CMPK1: variants seen among roughly 807,000 people sequenced by gnomAD.
CMPK1 encodes the protein UMP-CMP kinase.
Under a neutral mutation model 25.7 loss-of-function variants are expected in CMPK1, and 10 were observed. That is an observed-to-expected ratio of 0.39 (90% CI 0.24 to 0.66). The LOEUF (loss-of-function observed/expected upper bound fraction) is 0.66. Among genes scored for constraint, CMPK1 ranks in the 30% least tolerant of loss-of-function variants. The pLI, the probability that CMPK1 is intolerant of heterozygous loss-of-function variation, is 0.48. For missense variants in CMPK1, 199 were observed against 280.5 expected, an observed-to-expected ratio of 0.71 and a Z score of 2.08; for synonymous variants, 106 against 101.5, an observed-to-expected ratio of 1.04 and a Z score of -0.27.
chr1:47,334,007 C>A lies in CMPK1; in HGVS notation c.62C>A (p.Thr21Asn). The change falls in exon 1 of 6, where the codon ACC becomes AAC. Residue 21 changes from threonine to asparagine, a missense_variant. Thr to Asn is a moderately conservative substitution (Grantham distance 65). This residue lies in a region of CMPK1 where 59 missense variants were observed against 45.1 expected (regional missense o/e 1.31). Coordinates refer to ENST00000371873, the MANE Select transcript of CMPK1 (RefSeq NM_016308.3). ...HVLGLSFLLQ[T>N]RRPILLCSPR... is the part of the protein sequence containing the mutation. ...CTGGGCCTTAGCTTCCTGCTGCAGACCCGCCGGCCGATTCTCCTCTGCTCT... is the reference window on the plus strand; with the variant it reads ...CTGGGCCTTAGCTTCCTGCTGCAGAACCGCCGGCCGATTCTCCTCTGCTCT... The A allele has an allele frequency of 6.5e-7, 1 of 1,548,352 alleles. No individual in the cohort carries two copies. The highest frequency in any genetic ancestry group is 8.7e-7 in the Non-Finnish European group (1 of 1,147,430).
At chr1:47,351,652 C>G (rs1411177920) in intron 1 of CMPK1, among the ~76,000 whole-genome samples, 2 of 152,108 alleles carry the variant, frequency 1.3e-5, no homozygotes, top group African/African-American at 4.8e-5. Context: ...TGTTAAGGAA[C>G]CACTAAACTA....
chr1:47,356,526 C>A (rs1646561942), intron 1 of CMPK1, among the ~76,000 whole-genome samples: 1 of 152,134 alleles, frequency 6.6e-6, no homozygotes, highest in Non-Finnish European at 1.5e-5. Context: ...AGTCAACTTA[C>A]CAAGTTTCAT....
At chr1:47,372,079 A>T (rs1377207819) in intron 2 of CMPK1, among the ~76,000 whole-genome samples, 4 of 147,994 alleles carry the variant, frequency 2.7e-5, no homozygotes, top group Non-Finnish European at 3.0e-5. Context: ...CTTAGTTCAC[A>T]TCCTCTTTTT....
At chr1:47,345,616 C>T (rs189993327) in intron 1 of CMPK1, among the ~76,000 whole-genome samples, 314 of 151,660 alleles carry the variant, frequency 2.1e-3, no homozygotes, top group African/African-American at 7.3e-3. Context: ...GCCTCAGCCT[C>T]CTAAGTAGCT....
At chr1:47,353,917 A>G (rs551940022) in intron 1 of CMPK1, among the ~76,000 whole-genome samples, 12 of 152,210 alleles carry the variant, frequency 7.9e-5, no homozygotes, top group African/African-American at 2.9e-4. Flanking sequence ...GCGTTTCACC[A>G]TGTTGTCCAG....
chr1:47,354,580 C>G (rs1646545876), intron 1 of CMPK1, among the ~76,000 whole-genome samples: 1 of 129,486 alleles, frequency 7.7e-6, no homozygotes, highest in Non-Finnish European at 1.6e-5. Context: ...ACACATAGTG[C>G]TTATTGTTTT....
At chr1:47,344,503 C>CTT (rs550380651) in intron 1 of CMPK1, among the ~76,000 whole-genome samples, 1 of 144,446 alleles carries the variant, frequency 6.9e-6, no homozygotes, top group Non-Finnish European at 1.5e-5. Context: ...ATTATTTTTT[C>CTT]TTTTTTTTTT....
chr1:47,352,426 A>G (rs1646529282), intron 1 of CMPK1, among the ~76,000 whole-genome samples: 1 of 152,090 alleles, frequency 6.6e-6, no homozygotes, highest in Non-Finnish European at 1.5e-5. Flanking sequence ...AGCTAGTCCA[A>G]AACTACAAAA....
intron 1 of CMPK1, among the ~76,000 whole-genome samples, chr1:47,351,597 A>G (rs1570361686): frequency 6.6e-6 from 1 of 152,190 alleles, no homozygotes; most frequent in African/African-American, 2.4e-5. Context: ...GGGTATATAC[A>G]TAGAAATGGA....
At chr1:47,370,782 CAAAAAAAA>C (rs60407679) in intron 2 of CMPK1, among the ~76,000 whole-genome samples, 3 of 116,388 alleles carry the variant, frequency 2.6e-5, no homozygotes, top group South Asian at 5.6e-4. Flanking sequence ...ACTAAAAATA[CAAAAAAAA>C]AAAAAAAAAA....
intron 1 of CMPK1, among the ~76,000 whole-genome samples, chr1:47,360,521 A>T (rs1025974451): frequency 1.3e-5 from 2 of 152,144 alleles, no homozygotes; most frequent in Non-Finnish European, 2.9e-5. Context: ...TTTTCTTGCC[A>T]TTGCTTCTGA....
At chr1:47,341,355 T>G (rs1244557208) in intron 1 of CMPK1, among the ~76,000 whole-genome samples, 1 of 152,152 alleles carries the variant, frequency 6.6e-6, no homozygotes, top group Non-Finnish European at 1.5e-5. Context: ...AATTCATTTG[T>G]GTTTTTTTGT....
At chr1:47,339,302 G>A (rs558703720) in intron 1 of CMPK1, among the ~76,000 whole-genome samples, 102 of 152,078 alleles carry the variant, frequency 6.7e-4, no homozygotes, top group African/African-American at 2.3e-3. Flanking sequence ...GAGCCTTTGC[G>A]CCTGGCCTCA....
rs12079592 is a variant in CMPK1 at position 47,368,341 on chromosome 1, A to G, written c.172-128A>G. On this transcript the variant is annotated intron_variant, in intron 1 of 5. Coordinates refer to ENST00000371873, the MANE Select transcript of CMPK1 (RefSeq NM_016308.3). Reference sequence around the variant, plus strand: ...TATCTTAAATTTTTCTTTATTATTTAATATACAAGCAAAACTTCTTTATTG... The same window carrying G: ...TATCTTAAATTTTTCTTTATTATTTGATATACAAGCAAAACTTCTTTATTG... 16,947 of 667,292 alleles carry G rather than the reference A, an allele frequency of 0.025. 2,200 individuals are homozygous for G. The African/African-American group carries it at 0.28, about 11-fold the overall frequency. The allele number at this position is 667,292 out of a possible 1,614,324, so 41.3% of individuals were successfully genotyped here.
intron 1 of CMPK1, among the ~76,000 whole-genome samples, chr1:47,347,629 G>T (rs1407972875): frequency 6.6e-6 from 1 of 151,644 alleles, no homozygotes; most frequent in Non-Finnish European, 1.5e-5. Context: ...GTTGTTTTTG[G>T]TTTTTGTTGT....
chr1:47,361,559 A>G (rs1456431065), intron 1 of CMPK1, among the ~76,000 whole-genome samples: 1 of 152,208 alleles, frequency 6.6e-6, no homozygotes, highest in Non-Finnish European at 1.5e-5. Flanking sequence ...CCTCTGTCCA[A>G]TCACAGTTAC....
At chr1:47,356,343 C>G (rs1570366267) in intron 1 of CMPK1, among the ~76,000 whole-genome samples, 1 of 152,084 alleles carries the variant, frequency 6.6e-6, no homozygotes, top group East Asian at 1.9e-4. Context: ...TTTCTGGAGT[C>G]CCTTGAGTTT....
intron 3 of CMPK1, 66 bp downstream of exon 3, chr1:47,373,173 A>G: frequency 4.9e-6 from 7 of 1,437,766 alleles, no homozygotes; most frequent in Non-Finnish European, 6.6e-6. Flanking sequence ...TAGAAAAAAC[A>G]AAGGATTTTT....
intron 1 of CMPK1, among the ~76,000 whole-genome samples, chr1:47,348,671 T>C (rs1467323322): frequency 6.6e-6 from 1 of 152,230 alleles, no homozygotes; most frequent in Non-Finnish European, 1.5e-5. Context: ...ATGTATCCTA[T>C]GTCAACAAGC....
Sources: gnomAD v4.1 joint callset for allele counts (sites outside exome capture counted in the v4.1 genomes callset) on GRCh38, gnomAD v4.1.1 for gene constraint, gnomAD v4.1.1 regional missense constraint, MANE v1.5 for transcripts, NCBI Gene and HGNC (gene_info 2026-07-23, HGNC 2026-07-21) for gene names.